Variants in PTCHD4 observed in about 807,000 individuals in gnomAD.
PTCHD4 encodes patched domain containing 4.
PTCHD4 carries 33 observed loss-of-function variants against 58.1 expected under a neutral mutation model. That is an observed-to-expected ratio of 0.57 (90% CI 0.43 to 0.76). The LOEUF is 0.76. Among genes scored for constraint, PTCHD4 ranks in the 30% least tolerant of loss-of-function variants. PTCHD4 has a pLI of 0.00. For synonymous variants in PTCHD4, 478 were observed against 409.6 expected, an observed-to-expected ratio of 1.17 and a Z score of -2.02; for missense variants, 1,058 against 1,027.1, an observed-to-expected ratio of 1.03 and a Z score of -0.41.
rs1023263137 is a variant in PTCHD4 at position 47,866,203 on chromosome 6, A to G, written c.*12100T>C. Among the ~76,000 whole-genome samples, 11 of 151,900 alleles carry G rather than the reference A, an allele frequency of 7.2e-5. No individual in the cohort carries two copies. The highest frequency in any genetic ancestry group is 1.3e-4 in the Non-Finnish European group (9 of 67,902). Reference sequence around the variant, plus strand: ...TTGTGACTTTTTAAAACTTCACTTAATAAAAGGCTCTATCAGTATTTATTG... The same window carrying G: ...TTGTGACTTTTTAAAACTTCACTTAGTAAAAGGCTCTATCAGTATTTATTG... On this transcript the variant is annotated 3_prime_UTR_variant, in exon 5 of 5. Transcript: ENST00000339488.
At position 47,879,433 on chromosome 6, in the gene PTCHD4, A is replaced by G; in HGVS notation, c.1402T>C (p.Tyr468His). The change falls in exon 5 of 5, where the codon TAT (tyrosine) becomes CAT (histidine). Residue 468 changes from tyrosine (Y) to histidine (H), a missense_variant. Transcript: ENST00000339488. ...IYVKPFVVILYLIYASFSFMG... is the reference protein window; with the variant it reads ...IYVKPFVVILHLIYASFSFMG... The stretch of plus-strand genomic sequence containing the variant: ...AAGGAGAAGGAGGCATAAATGAGAT[A>G]GAGGATGACAACAAATGGCTTCACA... 6.2e-7 allele frequency: 1 copy of G among 1,613,668 alleles called. No homozygotes were observed. The highest frequency in any genetic ancestry group is 1.7e-4 in the Middle Eastern group (1 of 6,058).
In PTCHD4 at chr6:47,865,872, A is replaced by G. The variant is rs1406321835; in HGVS notation, c.*12431T>C. On this transcript the variant is annotated 3_prime_UTR_variant, in exon 5 of 5. Coordinates refer to ENST00000339488, the MANE Select transcript of PTCHD4 (RefSeq NM_001384253.1). The stretch of plus-strand genomic sequence containing the variant: ...TGATGTTTGCAGGTCCTTATATGAA[A>G]CTTTCTGGTTTGTACAAATTCAACT... 1.3e-5 allele frequency among the ~76,000 whole-genome samples: 2 copies of G among 151,892 alleles called. No homozygotes were observed. Among genetic ancestry groups the G allele is most frequent in the African/African-American group, 2.4e-5 (1 of 41,392 alleles).
chr6:48,042,889 A>G (rs564332317), intron 3 of PTCHD4, among the ~76,000 whole-genome samples: 25 of 152,042 alleles, frequency 1.6e-4, no homozygotes, highest in Non-Finnish European at 3.1e-4. Context: ...GACTTCTCCC[A>G]TTGCCTTAAT....
chr6:48,024,941 G>T (rs892828961), intron 3 of PTCHD4, among the ~76,000 whole-genome samples: 1 of 152,162 alleles, frequency 6.6e-6, no homozygotes, highest in Non-Finnish European at 1.5e-5. Flanking sequence ...AAAGCCAGAT[G>T]ACATGATTCT....
intron 4 of PTCHD4, among the ~76,000 whole-genome samples, chr6:47,906,116 C>T (rs961520162): frequency 6.6e-6 from 1 of 152,216 alleles, no homozygotes; most frequent in African/African-American, 2.4e-5. Context: ...CACAAATGTA[C>T]CCTGTCTTGT....
At chr6:47,989,617 A>C (rs796495170) in intron 4 of PTCHD4, among the ~76,000 whole-genome samples, 1 of 152,216 alleles carries the variant, frequency 6.6e-6, no homozygotes, top group Non-Finnish European at 1.5e-5. Context: ...GGAGGCCCCA[A>C]GCCTTGGCAG....
chr6:47,927,348 C>T (rs1161976133), intron 4 of PTCHD4, among the ~76,000 whole-genome samples: 4 of 152,156 alleles, frequency 2.6e-5, no homozygotes, highest in Admixed American at 6.6e-5. Context: ...GCAGTCCCTC[C>T]GTAGCCTATC....
chr6:48,008,209 T>G (rs926215588), intron 4 of PTCHD4, among the ~76,000 whole-genome samples: 5 of 152,212 alleles, frequency 3.3e-5, no homozygotes, highest in African/African-American at 9.6e-5. Context: ...TCTTTGAGAT[T>G]AGGACACATC....
chr6:47,893,262 G>A (rs1047710466), intron 4 of PTCHD4, among the ~76,000 whole-genome samples: 1 of 152,138 alleles, frequency 6.6e-6, no homozygotes, highest in African/African-American at 2.4e-5. Context: ...GTCCACCTCA[G>A]CCTCCCAAAG....
rs753681182 is a variant in PTCHD4 at position 47,878,794 on chromosome 6, C to T, written c.2041G>A (p.Gly681Arg). 1.2e-6 allele frequency: 2 copies of T among 1,613,582 alleles called. No homozygotes were observed. The highest frequency in any genetic ancestry group is 2.2e-5 in the East Asian group (1 of 44,834). ...LTFFLVIHPL[G>R]NFWLILSVTS... ...ACGCTAAGAATTAGCCAGAAGTTTC[C>T]CAGAGGGTGGATCACTAGGAAAAAA... Residue 681 changes from glycine to arginine, a missense_variant, in exon 5 of 5, where the codon GGA becomes AGA. Gly to Arg is a moderately radical substitution (Grantham distance 125). Coordinates refer to ENST00000339488, the MANE Select transcript of PTCHD4 (RefSeq NM_001384253.1).
intron 1 of PTCHD4, among the ~76,000 whole-genome samples, chr6:48,075,315 ACACT>A (rs1180248545): frequency 1.3e-5 from 2 of 152,196 alleles, no homozygotes; most frequent in Admixed American, 6.5e-5. Context: ...AAGCCTGTAG[ACACT>A]CACTTTTGTC....
chr6:47,905,043 TCACA>T (rs70999653), intron 4 of PTCHD4, among the ~76,000 whole-genome samples: 13,291 of 131,544 alleles, frequency 0.1, 669 homozygotes, highest in African/African-American at 0.15. Context: ...AATACAGCCA[TCACA>T]CACACACACA....
rs1275884963 is a variant in PTCHD4 at position 47,878,836 on chromosome 6, G to C, written c.1999C>G (p.Leu667Val). The change falls in exon 5 of 5, where the codon CTG becomes GTG. Residue 667 changes from leucine (L) to valine (V), a missense_variant. Coordinates refer to ENST00000339488, the MANE Select transcript of PTCHD4 (RefSeq NM_001384253.1). ...AGGAAAAAAGTCAGGATTAACACCA[G>C]GAGAACACCAAAGCCTGCAATCAGA... ...PVLIAGFGVLLVLILTFFLVI... is the reference protein window; with the variant it reads ...PVLIAGFGVLVVLILTFFLVI... 1.2e-6 allele frequency: 2 copies of C among 1,613,660 alleles called. No homozygotes were observed. The highest frequency in any genetic ancestry group is 1.7e-6 in the Non-Finnish European group (2 of 1,179,746).
intron 3 of PTCHD4, among the ~76,000 whole-genome samples, chr6:48,036,571 G>A (rs1238825349): frequency 6.6e-6 from 1 of 152,092 alleles, no homozygotes; most frequent in African/African-American, 2.4e-5. Flanking sequence ...TAGTCATTTA[G>A]TAGCTGCCAC....
intron 4 of PTCHD4, among the ~76,000 whole-genome samples, chr6:47,992,055 A>T (rs1183760458): frequency 6.6e-6 from 1 of 152,166 alleles, no homozygotes; most frequent in Non-Finnish European, 1.5e-5. Flanking sequence ...GAATCTCCAC[A>T]TTCAACTATA....
chr6:47,996,215 C>A (rs1768480267), intron 4 of PTCHD4, among the ~76,000 whole-genome samples: 1 of 152,094 alleles, frequency 6.6e-6, no homozygotes, highest in South Asian at 2.1e-4. Context: ...TGCCTGTAAT[C>A]CCAGCACTTT....
At position 47,878,416 on chromosome 6, in the gene PTCHD4, A is replaced by G. The variant is rs1308306548; in HGVS notation, c.2419T>C (p.Phe807Leu). The G allele has an allele frequency of 2.5e-6, 4 of 1,613,450 alleles. No homozygotes were observed. Among genetic ancestry groups the G allele is most frequent in the Non-Finnish European group, 2.5e-6 (3 of 1,179,658 alleles). Residue 807 changes from phenylalanine to leucine, a missense_variant, in exon 5 of 5, where the codon TTC becomes CTC. Phe to Leu is a conservative substitution (Grantham distance 22). Coordinates refer to ENST00000339488, the MANE Select transcript of PTCHD4 (RefSeq NM_001384253.1). ...TTGTGGTGCTTTTTGGAAGGGGGGA[A>G]AAACGTTAGGAACACAGGTAAAATA... ...FVILPVFLTF[F>L]PPSKKHHKKK... is the part of the protein sequence containing the mutation.
Position 48,111,039 on chromosome 6 carries a change from G to C in PTCHD4, c.-970+10C>G, listed in dbSNP as rs1336931003. Among the ~76,000 whole-genome samples, 1 of 151,980 alleles carries C rather than the reference G, an allele frequency of 6.6e-6. No individual in the cohort carries two copies. The highest frequency in any genetic ancestry group is 2.4e-5 in the African/African-American group (1 of 41,402). ...CTTATTGCTTGGAGGCTGATGTGGG[G>C]TTCCCTTACCTTCTGGCTTTCGGTT... is the stretch of plus-strand genomic sequence containing the variant. On this transcript the variant is annotated intron_variant, in intron 1 of 4. Transcript: ENST00000339488.
chr6:47,912,479 A>G (rs1053363365), intron 4 of PTCHD4, among the ~76,000 whole-genome samples: 3 of 152,096 alleles, frequency 2.0e-5, no homozygotes, highest in Non-Finnish European at 4.4e-5. Context: ...CCCCAACACT[A>G]AATGCCAAAA....
Sources: gnomAD v4.1 joint callset for allele counts (sites outside exome capture counted in the v4.1 genomes callset) on GRCh38, gnomAD v4.1.1 for gene constraint, MANE v1.5 for transcripts, NCBI Gene and HGNC (gene_info 2026-07-23, HGNC 2026-07-21) for gene names.